SPARCL1: variants seen among roughly 807,000 people sequenced by gnomAD.
SPARCL1 encodes SPARC like 1.
In SPARCL1, 52 loss-of-function variants were observed where a neutral mutation model predicts 67.1. The ratio of observed to expected loss-of-function variants is 0.78; its 90% CI spans 0.62 to 0.98. SPARCL1 has a LOEUF of 0.98. Ranked by LOEUF, SPARCL1 falls within the 50% of genes least tolerant of loss-of-function variation. The pLI is 0.00. For synonymous variants in SPARCL1, 226 were observed against 267.8 expected (o/e 0.84, Z 1.52); for missense variants, 717 against 782.4 (o/e 0.92, Z 1.00).
chr4:87,503,988 T>C (rs1480294217), intron 1 of SPARCL1, among the ~76,000 whole-genome samples: 1 of 152,048 alleles, frequency 6.6e-6, no homozygotes, highest in Admixed American at 6.5e-5. Context: ...GGCTATAGCA[T>C]AGACTTCCTC....
rs140142810 is a variant in SPARCL1 at position 87,487,983 on chromosome 4, T to C, written c.1531+2290A>G. ...TCTTCTCTAAACTGGTTATTCTGGT[T>C]AGCAATTCCTCTAACCTTTTTTCAA... is the stretch of plus-strand genomic sequence containing the variant. On this transcript the variant is annotated intron_variant, in intron 7 of 10. Coordinates refer to ENST00000282470, the MANE Select transcript of SPARCL1 (RefSeq NM_004684.6). Among the ~76,000 whole-genome samples, 136 of 152,356 alleles carry C rather than the reference T, an allele frequency of 8.9e-4. 4 individuals are homozygous for C. In the East Asian group the frequency reaches 0.022, roughly 25 times the overall value.
chr4:87,494,866 T>C (rs1226640807), intron 3 of SPARCL1, 115 bp downstream of exon 3: 2 of 987,208 alleles, frequency 2.0e-6, no homozygotes, highest in Non-Finnish European at 3.0e-6. Context: ...GTGATCATCA[T>C]GTTTTAAAAA....
intron 4 of SPARCL1, 66 bp downstream of exon 4, chr4:87,493,516 A>G (rs1051499728): frequency 7.1e-7 from 1 of 1,417,688 alleles, no homozygotes; most frequent in African/African-American, 1.4e-5. Context: ...GAGCACAGAG[A>G]AAGGTCATGA....
In SPARCL1 at chr4:87,479,556, C is replaced by G. The variant is rs1440356240; in HGVS notation, c.1840G>C (p.Ala614Pro). 1 of 1,614,070 alleles carries G rather than the reference C, an allele frequency of 6.2e-7. No homozygotes were observed. Among genetic ancestry groups the G allele is most frequent in the Admixed American group, 1.7e-5 (1 of 60,006 alleles). The change falls in exon 10 of 11, where the codon GCT becomes CCT. Residue 614 changes from alanine to proline, a missense_variant. Ala to Pro is a conservative substitution (Grantham distance 27). Transcript: ENST00000282470. Reference sequence around the variant, plus strand: ...GGCACCAGAGATGCTCGCAGAGGAGCAAGTTCAGAATGTGTCAAGACTCTG... The same window carrying G: ...GGCACCAGAGATGCTCGCAGAGGAGGAAGTTCAGAATGTGTCAAGACTCTG... The part of the protein sequence containing the change: ...MDRVLTHSEL[A>P]PLRASLVPME...
chr4:87,494,792 G>C (rs1724548413), intron 3 of SPARCL1, among the ~76,000 whole-genome samples, 189 bp downstream of exon 3: 1 of 152,154 alleles, frequency 6.6e-6, no homozygotes, highest in African/African-American at 2.4e-5. Flanking sequence ...GTATACAGCA[G>C]CTCAGCCCAA....
intron 7 of SPARCL1, among the ~76,000 whole-genome samples, chr4:87,484,533 T>C (rs373056506): frequency 6.6e-6 from 1 of 152,196 alleles, no homozygotes; most frequent in Non-Finnish European, 1.5e-5. Context: ...TCCAGCTTTG[T>C]TGTTTTTGCT....
At chr4:87,526,479 A>C (rs1726047791) in intron 1 of SPARCL1, among the ~76,000 whole-genome samples, 1 of 152,220 alleles carries the variant, frequency 6.6e-6, no homozygotes, top group South Asian at 2.1e-4. Flanking sequence ...TTTAATAAAC[A>C]TCACATTTCA....
At chr4:87,494,912 A>G in intron 3 of SPARCL1, 69 bp downstream of exon 3, 1 of 1,369,852 alleles carries the variant, frequency 7.3e-7, no homozygotes, top group Non-Finnish European at 1.0e-6. Context: ...AATCTCTTTT[A>G]CCATGCTTTG....
intron 1 of SPARCL1, among the ~76,000 whole-genome samples, chr4:87,501,587 A>C (rs1450816297): frequency 6.6e-6 from 1 of 151,696 alleles, no homozygotes; most frequent in Non-Finnish European, 1.5e-5. Flanking sequence ...CTCTGATGTG[A>C]GTTTTTCCCC....
chr4:87,475,432 C>T (rs1056958948), intron 10 of SPARCL1, among the ~76,000 whole-genome samples: 1 of 152,118 alleles, frequency 6.6e-6, no homozygotes, highest in African/African-American at 2.4e-5. Context: ...TTTCTTCCTC[C>T]CCTATCCATC....
rs576181821 is a variant in SPARCL1 at position 87,518,549 on chromosome 4, T to C, written c.-12+10496A>G. ...TTTATCAGTGAGATGATGCTGATAC[T>C]TCTCTTCCCCGCCTATGCCTATCCA... is the stretch of plus-strand genomic sequence containing the variant. On this transcript the variant is annotated intron_variant, in intron 1 of 10. Coordinates refer to ENST00000282470, the MANE Select transcript of SPARCL1 (RefSeq NM_004684.6). Among the ~76,000 whole-genome samples, 120 of 152,352 alleles carry C rather than the reference T, an allele frequency of 7.9e-4. No homozygotes were observed. The South Asian group carries it at 9.7e-3, about 12-fold the overall frequency.
chr4:87,508,892 T>TATATATATATAG, intron 1 of SPARCL1, among the ~76,000 whole-genome samples: 1 of 106,562 alleles, frequency 9.4e-6, no homozygotes, highest in East Asian at 2.0e-4. Flanking sequence ...TATATAAGTA[T>TATATATATATAG]ATATATATAT....
intron 7 of SPARCL1, among the ~76,000 whole-genome samples, chr4:87,485,662 C>G (rs560939114): frequency 3.6e-4 from 55 of 152,140 alleles, no homozygotes; most frequent in Non-Finnish European, 7.2e-4. Flanking sequence ...CTTTGTACCT[C>G]TGGTAGAATT....
chr4:87,503,682 CCT>C (rs1560823219), intron 1 of SPARCL1, among the ~76,000 whole-genome samples: 2 of 132,246 alleles, frequency 1.5e-5, no homozygotes, highest in African/African-American at 3.1e-5. Context: ...TTTTTTTTTT[CCT>C]TTTTTTTTTT....
chr4:87,512,742 A>T (rs1291583061), intron 1 of SPARCL1, among the ~76,000 whole-genome samples: 1 of 152,218 alleles, frequency 6.6e-6, no homozygotes, highest in Non-Finnish European at 1.5e-5. Flanking sequence ...TGTGATTTTA[A>T]GCCATTTAAT....
At chr4:87,512,601 T>G (rs963435628) in intron 1 of SPARCL1, among the ~76,000 whole-genome samples, 2 of 152,132 alleles carry the variant, frequency 1.3e-5, no homozygotes. Flanking sequence ...TAACAGACCC[T>G]CCTGGATGAT....
At chr4:87,488,292 T>C (rs1724156783) in intron 7 of SPARCL1, among the ~76,000 whole-genome samples, 1 of 152,222 alleles carries the variant, frequency 6.6e-6, no homozygotes. Context: ...GTGGATATCT[T>C]TTTTGTTGAT....
Position 87,473,667 on chromosome 4 carries a change from G to A in SPARCL1, c.*108C>T. ...TTACTCTCATTGTCTTGTCATACAT[G>A]CTAACATTTTGCTAAATATAAATCT... is the stretch of plus-strand genomic sequence containing the variant. On this transcript the variant is annotated 3_prime_UTR_variant, in exon 11 of 11. Coordinates refer to ENST00000282470, the MANE Select transcript of SPARCL1 (RefSeq NM_004684.6). 1 of 746,770 alleles carries A rather than the reference G, an allele frequency of 1.3e-6. No individual in the cohort carries two copies. The highest frequency in any genetic ancestry group is 2.2e-6 in the Non-Finnish European group (1 of 451,668). The allele number at this position is 746,770 out of a possible 1,614,324, so 46.3% of individuals were successfully genotyped here. A position where few individuals can be genotyped will look rare whatever the true frequency, so the allele number is the denominator to read the frequency against.
chr4:87,477,657 C>A (rs1460133545), intron 10 of SPARCL1, among the ~76,000 whole-genome samples: 1 of 152,146 alleles, frequency 6.6e-6, no homozygotes, highest in African/African-American at 2.4e-5. Context: ...AAGGCTCCTG[C>A]AAAGAGCCAT....
Sources: gnomAD v4.1 joint callset for allele counts (sites outside exome capture counted in the v4.1 genomes callset) on GRCh38, gnomAD v4.1.1 for gene constraint, MANE v1.5 for transcripts, NCBI Gene and HGNC (gene_info 2026-07-23, HGNC 2026-07-21) for gene names.